PALLD: variants seen among roughly 807,000 people sequenced by gnomAD.
PALLD encodes the protein palladin, cytoskeletal associated protein, also known as palladin.
PALLD carries 61 observed loss-of-function variants against 123.5 expected under a neutral mutation model. The observed-to-expected ratio is 0.49, with a 90% CI of 0.40 to 0.61. The LOEUF is 0.61. Ranked by LOEUF, PALLD falls within the 20% of genes least tolerant of loss-of-function variation. The probability of loss-of-function intolerance (pLI) is 0.00; values close to 1 mark genes in which losing one functional copy is unlikely to be tolerated. For synonymous variants in PALLD, 465 were observed against 496.4 expected, an observed-to-expected ratio of 0.94 and a Z score of 0.84; for missense variants, 1,273 against 1,377.0, an observed-to-expected ratio of 0.92 and a Z score of 1.20.
At chr4:168,605,332 T>TG (rs946065116) in intron 2 of PALLD, among the ~76,000 whole-genome samples, 1 of 152,118 alleles carries the variant, frequency 6.6e-6, no homozygotes, top group African/African-American at 2.4e-5. Flanking sequence ...TCTGTATTTG[T>TG]GAAAAGTTTT....
At chr4:168,555,919 C>G (rs1262630188) in intron 2 of PALLD, among the ~76,000 whole-genome samples, 1 of 152,156 alleles carries the variant, frequency 6.6e-6, no homozygotes, top group African/African-American at 2.4e-5. Flanking sequence ...CAAATTAACT[C>G]TATAACCTAA....
At chr4:168,661,672 A>G (rs1444644864) in intron 2 of PALLD, among the ~76,000 whole-genome samples, 1 of 152,232 alleles carries the variant, frequency 6.6e-6, no homozygotes, top group Non-Finnish European at 1.5e-5. Context: ...TTACATAGCT[A>G]TTTAACAGCT....
chr4:168,501,728 G>A (rs1459650673), intron 1 of PALLD, among the ~76,000 whole-genome samples: 2 of 152,172 alleles, frequency 1.3e-5, no homozygotes, highest in African/African-American at 2.4e-5. Context: ...GGTACACTCT[G>A]AAGGAACCTA....
At chr4:168,675,540 T>A (rs1019110916) in intron 3 of PALLD, among the ~76,000 whole-genome samples, 2 of 152,178 alleles carry the variant, frequency 1.3e-5, no homozygotes, top group African/African-American at 4.8e-5. Flanking sequence ...AGTTTAACTT[T>A]GGCCATTCTT....
At chr4:168,736,931 C>A (rs1787817827) in intron 10 of PALLD, among the ~76,000 whole-genome samples, 1 of 152,022 alleles carries the variant, frequency 6.6e-6, no homozygotes, top group Non-Finnish European at 1.5e-5. Flanking sequence ...TTAAAATATT[C>A]AAAGATAGGA....
chr4:168,802,773 C>A (rs975316712), intron 10 of PALLD, among the ~76,000 whole-genome samples: 1 of 152,092 alleles, frequency 6.6e-6, no homozygotes, highest in Non-Finnish European at 1.5e-5. Context: ...TCACCGCAAT[C>A]TCTGCCTCCT....
At chr4:168,802,030 T>C (rs1033943445) in intron 10 of PALLD, among the ~76,000 whole-genome samples, 4 of 152,242 alleles carry the variant, frequency 2.6e-5, no homozygotes, top group Non-Finnish European at 5.9e-5. Context: ...GGTTAGTAGC[T>C]AGCAGCCTCA....
At chr4:168,751,929 AT>A (rs1731111285) in intron 10 of PALLD, among the ~76,000 whole-genome samples, 1 of 152,190 alleles carries the variant, frequency 6.6e-6, no homozygotes, top group Non-Finnish European at 1.5e-5. Context: ...ATGAAATAAG[AT>A]TGTCCTAAAC....
Position 168,711,754 on chromosome 4 carries a change from C to T in PALLD, c.1795C>T (p.Leu599Phe). The change falls in exon 10 of 22, where the codon CTT becomes TTT. Residue 599 changes from leucine to phenylalanine, a missense_variant. Coordinates refer to ENST00000505667, the MANE Select transcript of PALLD (RefSeq NM_001166108.2). ...NPELGLSRAA[L>F]QMQFNAAERE... ...TGAGTTAGGCCTGAGCAGGGCAGCCCTTCAAATGCAATTCAATGCTGCTGA... is the reference window on the plus strand; with the variant it reads ...TGAGTTAGGCCTGAGCAGGGCAGCCTTTCAAATGCAATTCAATGCTGCTGA... 3.1e-6 allele frequency: 5 copies of T among 1,614,144 alleles called. No individual in the cohort carries two copies. The highest frequency in any genetic ancestry group is 4.2e-6 in the Non-Finnish European group (5 of 1,180,028).
At chr4:168,904,700 T>G (rs1244579373) in intron 15 of PALLD, among the ~76,000 whole-genome samples, 3 of 152,132 alleles carry the variant, frequency 2.0e-5, no homozygotes, top group Non-Finnish European at 4.4e-5. Flanking sequence ...CATGGTAAAA[T>G]GAGCAGTTTT....
At chr4:168,562,351 C>T (rs1767952818) in intron 2 of PALLD, among the ~76,000 whole-genome samples, 1 of 152,212 alleles carries the variant, frequency 6.6e-6, no homozygotes, top group Admixed American at 6.5e-5. Context: ...TTCATTCATT[C>T]ATCCATCATT....
At chr4:168,686,947 G>A (rs1018516225) in intron 6 of PALLD, among the ~76,000 whole-genome samples, 4 of 152,188 alleles carry the variant, frequency 2.6e-5, no homozygotes, top group South Asian at 2.1e-4. Flanking sequence ...ATGTGTAATC[G>A]GAGTAGAGCC....
intron 10 of PALLD, among the ~76,000 whole-genome samples, chr4:168,855,756 CATT>C (rs1748521481): frequency 6.6e-6 from 1 of 152,246 alleles, no homozygotes; most frequent in African/African-American, 2.4e-5. Context: ...TAATAGCTCA[CATT>C]TATCAAAGGC....
intron 2 of PALLD, among the ~76,000 whole-genome samples, chr4:168,561,633 T>C (rs929108429): frequency 1.3e-5 from 2 of 152,210 alleles, no homozygotes; most frequent in African/African-American, 2.4e-5. Flanking sequence ...TCAAAACATA[T>C]TCATACGCTT....
At chr4:168,547,403 G>A (rs932687425) in intron 2 of PALLD, among the ~76,000 whole-genome samples, 3 of 151,874 alleles carry the variant, frequency 2.0e-5, no homozygotes, top group Admixed American at 6.6e-5. Context: ...CAATGAACGT[G>A]GAGCCCTCTG....
At chr4:168,736,058 C>T (rs1787719757) in intron 10 of PALLD, among the ~76,000 whole-genome samples, 1 of 152,228 alleles carries the variant, frequency 6.6e-6, no homozygotes, top group Non-Finnish European at 1.5e-5. Flanking sequence ...CACTGGAGCT[C>T]ATTCAGTGGC....
At chr4:168,659,148 T>C (rs1449933807) in intron 2 of PALLD, among the ~76,000 whole-genome samples, 1 of 152,252 alleles carries the variant, frequency 6.6e-6, no homozygotes, top group Non-Finnish European at 1.5e-5. Context: ...GCAATACTTA[T>C]AGATGGCCTG....
At chr4:168,549,154 T>C (rs1042002632) in intron 2 of PALLD, among the ~76,000 whole-genome samples, 13 of 152,320 alleles carry the variant, frequency 8.5e-5, no homozygotes, top group Non-Finnish European at 1.8e-4. Flanking sequence ...TTACTCTCTA[T>C]AAATATTTAA....
intron 6 of PALLD, among the ~76,000 whole-genome samples, chr4:168,689,282 C>G (rs1366860308): frequency 6.6e-6 from 1 of 152,032 alleles, no homozygotes; most frequent in Non-Finnish European, 1.5e-5. Context: ...TTTATTGTCC[C>G]ATCAGATAAT....
Sources: allele counts gnomAD v4.1 joint callset (sites outside exome capture counted in the v4.1 genomes callset), GRCh38; gene constraint gnomAD v4.1.1; transcripts MANE v1.5; gene names NCBI Gene and HGNC (gene_info 2026-07-23, HGNC 2026-07-21).